Variants in MCC observed in about 807,000 individuals in gnomAD.
MCC encodes MCC regulator of Wnt signaling pathway, also known as colorectal mutant cancer protein.
MCC carries 90 observed loss-of-function variants against 116.2 expected under a neutral mutation model. That is an observed-to-expected ratio of 0.77 (90% confidence interval 0.65 to 0.92). The LOEUF (loss-of-function observed/expected upper bound fraction) is 0.92. MCC is among the 40% of genes least tolerant of loss of function. MCC has a pLI of 0.00. For missense variants in MCC, 1,516 were observed against 1,312.2 expected (o/e 1.16, Z -2.40); for synonymous variants, 578 against 510.5 (o/e 1.13, Z -1.78).
chr5:113,454,350 C>T (rs1032752707), intron 1 of MCC, among the ~76,000 whole-genome samples: 9 of 152,124 alleles, frequency 5.9e-5, no homozygotes, highest in African/African-American at 1.7e-4. Flanking sequence ...AGTGATCCTC[C>T]CGCCTTGGCC....
At chr5:113,356,809 G>C (rs1768426378) in intron 2 of MCC, among the ~76,000 whole-genome samples, 1 of 152,166 alleles carries the variant, frequency 6.6e-6, no homozygotes, top group Admixed American at 6.5e-5. Flanking sequence ...TTTACCTTAA[G>C]GTTGGTAACA....
At chr5:113,033,925 A>G (rs1459450672) in intron 17 of MCC, among the ~76,000 whole-genome samples, 1 of 152,226 alleles carries the variant, frequency 6.6e-6, no homozygotes, top group Non-Finnish European at 1.5e-5. Flanking sequence ...TTGATCTGTC[A>G]TCCAGGCTGG....
intron 4 of MCC, among the ~76,000 whole-genome samples, chr5:113,143,956 C>T (rs969850803): frequency 6.6e-6 from 1 of 152,168 alleles, no homozygotes; most frequent in African/African-American, 2.4e-5. Flanking sequence ...GGATTATCTG[C>T]AAATTTAATG....
intron 1 of MCC, among the ~76,000 whole-genome samples, chr5:113,431,381 G>T (rs1025872174): frequency 1.3e-5 from 2 of 152,038 alleles, no homozygotes; most frequent in Non-Finnish European, 2.9e-5. Flanking sequence ...TCTCTCTGAG[G>T]GCACTAGGAA....
intron 1 of MCC, among the ~76,000 whole-genome samples, chr5:113,466,460 T>A (rs1184645529): frequency 6.6e-6 from 1 of 151,818 alleles, no homozygotes; most frequent in Non-Finnish European, 1.5e-5. Context: ...TGCCATAGTT[T>A]GCTGAGAATG....
chr5:113,447,665 A>G (rs974332695), intron 1 of MCC, among the ~76,000 whole-genome samples: 5 of 152,090 alleles, frequency 3.3e-5, no homozygotes, highest in South Asian at 2.1e-4. Context: ...ATCTTTTTTT[A>G]AAAACTTGAG....
At chr5:113,040,753 G>C (rs866202465) in intron 17 of MCC, among the ~76,000 whole-genome samples, 7 of 152,060 alleles carry the variant, frequency 4.6e-5, no homozygotes, top group African/African-American at 1.4e-4. Flanking sequence ...ACCTCTGTAA[G>C]TTTGTTCTTG....
intron 1 of MCC, among the ~76,000 whole-genome samples, chr5:113,454,719 T>G (rs1020942607): frequency 3.1e-4 from 47 of 152,126 alleles, no homozygotes; most frequent in African/African-American, 1.0e-3. Context: ...ACTATAAAAT[T>G]TATTAGTAGA....
chr5:113,246,064 C>G lies in MCC; in HGVS notation c.627+94455G>C, dbSNP rs115928317. ...AAGATGGGGAACAAAAAAGAATAAA[C>G]TCTTGGTAGAAAAGAGAGACATTTA... On this transcript the variant is annotated intron_variant, in intron 3 of 18. Coordinates refer to ENST00000408903, the MANE Select transcript of MCC (RefSeq NM_001085377.2). Among the ~76,000 whole-genome samples, 527 of 152,284 alleles carry G rather than the reference C, an allele frequency of 3.5e-3. 3 individuals carry two copies. Among genetic ancestry groups the G allele is most frequent in the African/African-American group, 0.012 (513 of 41,552 alleles).
intron 3 of MCC, among the ~76,000 whole-genome samples, chr5:113,309,280 G>A (rs370967475): frequency 3.3e-5 from 5 of 152,142 alleles, no homozygotes; most frequent in Admixed American, 2.0e-4. Context: ...ACTTTTTAGT[G>A]TAGCCATCAC....
Position 113,112,234 on chromosome 5 carries a change from T to C in MCC, c.1028-7879A>G, listed in dbSNP as rs185632781. Reference sequence around the variant, plus strand: ...TTCCATGCTGGGTCTTTATTAAGCTTTGCCTTTGATAGGGCTTGGGTTTGT... The same window carrying C: ...TTCCATGCTGGGTCTTTATTAAGCTCTGCCTTTGATAGGGCTTGGGTTTGT... On this transcript the variant is annotated intron_variant, in intron 6 of 18. Coordinates refer to ENST00000408903, the MANE Select transcript of MCC (RefSeq NM_001085377.2). 2.0e-5 allele frequency among the ~76,000 whole-genome samples: 3 copies of C among 152,326 alleles called. No homozygotes were observed. In the East Asian group the frequency reaches 5.8e-4, roughly 29 times the overall value.
chr5:113,304,430 T>A (rs1247984502), intron 3 of MCC, among the ~76,000 whole-genome samples: 1 of 152,216 alleles, frequency 6.6e-6, no homozygotes, highest in East Asian at 1.9e-4. Context: ...GTCTGTCTCA[T>A]TAGTTACATT....
intron 5 of MCC, among the ~76,000 whole-genome samples, chr5:113,129,812 G>A (rs566630774): frequency 5.3e-5 from 8 of 152,214 alleles, no homozygotes; most frequent in African/African-American, 9.6e-5. Flanking sequence ...TTAGAATGGC[G>A]ATCATTAAAA....
At chr5:113,448,908 C>G (rs767281854) in intron 1 of MCC, among the ~76,000 whole-genome samples, 3 of 152,192 alleles carry the variant, frequency 2.0e-5, no homozygotes, top group Admixed American at 6.5e-5. Context: ...ATTTATTCCT[C>G]TCAGTAAAGA....
Position 113,294,705 on chromosome 5 carries a change from G to A in MCC, c.627+45814C>T, listed in dbSNP as rs1032376281. ...CCCCGTTCCGGGGCAGTGCCACCCT[G>A]GGCGCCGCCTCGCCACTCCTACGGT... On this transcript the variant is annotated intron_variant, in intron 3 of 18. Coordinates refer to ENST00000408903, the MANE Select transcript of MCC (RefSeq NM_001085377.2). The A allele has an allele frequency of 1.1e-5, 11 of 1,018,434 alleles. No individual in the cohort carries two copies. The East Asian group carries it at 9.0e-4, about 84-fold the overall frequency. 63.1% of individuals were successfully genotyped at this position (1,018,434 alleles called of 1,614,324 possible).
chr5:113,379,321 G>A (rs1672044425), intron 2 of MCC, among the ~76,000 whole-genome samples: 1 of 152,174 alleles, frequency 6.6e-6, no homozygotes, highest in Admixed American at 6.5e-5. Context: ...TTCTAGATGA[G>A]GAAAGTAGTT....
At chr5:113,154,589 T>C (rs1581168873) in intron 3 of MCC, among the ~76,000 whole-genome samples, 2 of 152,206 alleles carry the variant, frequency 1.3e-5, no homozygotes, top group Non-Finnish European at 2.9e-5. Context: ...AAAGCTGACA[T>C]AACCTCCCCT....
chr5:113,485,617 A>G (rs977610562), intron 1 of MCC, among the ~76,000 whole-genome samples: 1 of 152,190 alleles, frequency 6.6e-6, no homozygotes, highest in Non-Finnish European at 1.5e-5. Flanking sequence ...CCTTTGGACT[A>G]TGAGATAACC....
intron 14 of MCC, among the ~76,000 whole-genome samples, chr5:113,058,784 G>A (rs972203057): frequency 6.6e-6 from 1 of 152,230 alleles, no homozygotes; most frequent in African/African-American, 2.4e-5. Context: ...AAAGGATACG[G>A]CAGGCCCTGA....
Sources: allele counts gnomAD v4.1 joint callset (sites outside exome capture counted in the v4.1 genomes callset), GRCh38; gene constraint gnomAD v4.1.1; transcripts MANE v1.5; gene names NCBI Gene and HGNC (gene_info 2026-07-23, HGNC 2026-07-21).